The following NOVA1 variants were observed in gnomAD, a reference collection of about 807,000 sequenced individuals.
NOVA1 encodes NOVA alternative splicing regulator 1, also known as RNA-binding protein Nova-1.
NOVA1 carries 7 observed loss-of-function variants against 38.0 expected under a neutral mutation model. The observed-to-expected ratio is 0.18, with a 90% confidence interval of 0.10 to 0.35. The LOEUF (loss-of-function observed/expected upper bound fraction) is 0.35, where lower values mean the gene tolerates loss of function less well. Among genes scored for constraint, NOVA1 ranks in the 10% least tolerant of loss-of-function variants. The pLI, the probability that NOVA1 is intolerant of heterozygous loss-of-function variation, is 1.00. For synonymous variants in NOVA1, 270 were observed against 232.5 expected, an observed-to-expected ratio of 1.16 and a Z score of -1.47; for missense variants, 460 against 616.0, an observed-to-expected ratio of 0.75 and a Z score of 2.68.
chr14:26,498,652 GAAAC>G (rs963001488), intron 2 of NOVA1, among the ~76,000 whole-genome samples: 17 of 151,976 alleles, frequency 1.1e-4, no homozygotes, highest in Admixed American at 2.0e-4. Flanking sequence ...ACCTATCACA[GAAAC>G]AAACAAACAC....
chr14:26,509,869 G>A (rs1887922220), intron 2 of NOVA1, among the ~76,000 whole-genome samples: 1 of 152,070 alleles, frequency 6.6e-6, no homozygotes, highest in African/African-American at 2.4e-5. Flanking sequence ...TAGTAGAGAT[G>A]GGGTTTCACC....
intron 2 of NOVA1, among the ~76,000 whole-genome samples, chr14:26,531,824 T>G (rs572084641): frequency 2.0e-5 from 3 of 152,026 alleles, no homozygotes; most frequent in African/African-American, 7.3e-5. Context: ...AACACATATA[T>G]CTGACAAAGG....
chr14:26,484,324 T>C (rs948943069), intron 2 of NOVA1, among the ~76,000 whole-genome samples: 1 of 146,764 alleles, frequency 6.8e-6, no homozygotes, highest in Non-Finnish European at 1.5e-5. Context: ...TAGTCCCAGC[T>C]ACTCAGGAGG....
At chr14:26,569,175 CAGAT>C (rs1411620876) in intron 2 of NOVA1, among the ~76,000 whole-genome samples, 1 of 151,998 alleles carries the variant, frequency 6.6e-6, no homozygotes, top group Non-Finnish European at 1.5e-5. Flanking sequence ...GCAGAACTGT[CAGAT>C]AGAGTATTTT....
intron 2 of NOVA1, among the ~76,000 whole-genome samples, chr14:26,496,752 C>T (rs932931869): frequency 1.3e-5 from 2 of 152,056 alleles, no homozygotes; most frequent in Non-Finnish European, 2.9e-5. Flanking sequence ...AAATAGGAAA[C>T]CCTTTCCCCA....
At chr14:26,546,580 T>C (rs530686980) in intron 2 of NOVA1, among the ~76,000 whole-genome samples, 2 of 152,288 alleles carry the variant, frequency 1.3e-5, no homozygotes, top group East Asian at 3.9e-4. Flanking sequence ...TATTGCCATA[T>C]AGTTTCCTAT....
intron 2 of NOVA1, among the ~76,000 whole-genome samples, chr14:26,487,704 G>T (rs1302599291): frequency 6.6e-6 from 1 of 152,116 alleles, no homozygotes; most frequent in East Asian, 1.9e-4. Context: ...TCAGTTGATT[G>T]TGGAAAAATT....
chr14:26,480,079 G>T lies in NOVA1; in HGVS notation c.345C>A (p.Phe115Leu), dbSNP rs185194463. ...GCATTTCTCGAATTTTTTCTGCAAT[G>T]AATCCATGAACTGCATTCAGTGCTT... ...TVEALNAVHG[F>L]IAEKIREMPQ... Residue 115 changes from phenylalanine (F) to leucine (L), a missense_variant, in exon 3 of 5, where the codon TTC (phenylalanine) becomes TTA (leucine). Physicochemically the swap from Phe to Leu is conservative, Grantham distance 22 (BLOSUM62 0). Coordinates refer to ENST00000539517, the MANE Select transcript of NOVA1 (RefSeq NM_002515.3). 6.2e-7 allele frequency: 1 copy of T among 1,613,932 alleles called. No homozygotes were observed. Among genetic ancestry groups the T allele is most frequent in the Non-Finnish European group, 8.5e-7 (1 of 1,179,936 alleles).
At chr14:26,510,102 C>A (rs998515535) in intron 2 of NOVA1, among the ~76,000 whole-genome samples, 4 of 95,286 alleles carry the variant, frequency 4.2e-5, no homozygotes, top group African/African-American at 1.0e-4. Context: ...AAAAAGGGGA[C>A]TTCAGAAATA....
In NOVA1 at chr14:26,443,260, C is replaced by T. The variant is rs1360526242; in HGVS notation, c.*4699G>A. 2.0e-5 allele frequency: 3 copies of T among 151,816 alleles called. No individual in the cohort carries two copies. The highest frequency in any genetic ancestry group is 7.3e-5 in the African/African-American group (3 of 41,340). The allele number at this position is 151,816 out of a possible 1,614,324, so 9.4% of individuals were successfully genotyped here. A position where few individuals can be genotyped will look rare whatever the true frequency, so the allele number is the denominator to read the frequency against. ...GCTTCTGTACCACTTTGTAATGAGACAATTGCCTTTCCATTGCAATTATAA... is the reference window on the plus strand; with the variant it reads ...GCTTCTGTACCACTTTGTAATGAGATAATTGCCTTTCCATTGCAATTATAA... On this transcript the variant is annotated 3_prime_UTR_variant, in exon 5 of 5. Transcript: ENST00000539517.
intron 2 of NOVA1, among the ~76,000 whole-genome samples, chr14:26,509,013 G>C (rs1887856104): frequency 6.6e-6 from 1 of 152,026 alleles, no homozygotes; most frequent in African/African-American, 2.4e-5. Context: ...ATGTGGCAAA[G>C]AATATGTCTA....
chr14:26,450,693 T>C (rs1229196650), intron 4 of NOVA1, among the ~76,000 whole-genome samples: 1 of 152,168 alleles, frequency 6.6e-6, no homozygotes, highest in African/African-American at 2.4e-5. Context: ...GTCTGAAAAG[T>C]TAATGTGTTA....
chr14:26,596,873 T>C (rs1894224582), intron 1 of NOVA1: 1 of 1,137,804 alleles, frequency 8.8e-7, no homozygotes, highest in Non-Finnish European at 1.1e-6. Flanking sequence ...CGCAATCCGC[T>C]ACCCAAGTGC....
chr14:26,597,781 G>T lies in NOVA1; in HGVS notation c.-345C>A. On this transcript the variant is annotated 5_prime_UTR_variant, in exon 1 of 5. Coordinates refer to ENST00000539517, the MANE Select transcript of NOVA1 (RefSeq NM_002515.3). Reference sequence around the variant, plus strand: ...GGCGAGTGAATGAGCGGGAGGAGGGGACCGGGGAGGACAGGCAGAGGGAGT... The same window carrying T: ...GGCGAGTGAATGAGCGGGAGGAGGGTACCGGGGAGGACAGGCAGAGGGAGT... 1.3e-6 allele frequency: 1 copy of T among 778,936 alleles called. No homozygotes were observed. The highest frequency in any genetic ancestry group is 1.6e-6 in the Non-Finnish European group (1 of 634,876). The allele number at this position is 778,936 out of a possible 1,614,324, so 48.3% of individuals were successfully genotyped here.
At chr14:26,472,169 T>C (rs977431749) in intron 4 of NOVA1, 151 bp downstream of exon 4, 9 of 558,782 alleles carry the variant, frequency 1.6e-5, no homozygotes, top group African/African-American at 1.3e-4. Context: ...TTAGAAATAA[T>C]TGATATTTCT....
At chr14:26,510,646 G>A (rs1336224966) in intron 2 of NOVA1, among the ~76,000 whole-genome samples, 1 of 152,052 alleles carries the variant, frequency 6.6e-6, no homozygotes, top group Non-Finnish European at 1.5e-5. Flanking sequence ...AAGAGTCATG[G>A]TAGAGAAAGT....
chr14:26,496,761 C>T (rs1211371329), intron 2 of NOVA1, among the ~76,000 whole-genome samples: 1 of 152,090 alleles, frequency 6.6e-6, no homozygotes, highest in Non-Finnish European at 1.5e-5. Context: ...ACCCTTTCCC[C>T]ATTGCTTGTT....
At chr14:26,563,013 T>C (rs574509889) in intron 2 of NOVA1, among the ~76,000 whole-genome samples, 2 of 152,130 alleles carry the variant, frequency 1.3e-5, no homozygotes, top group South Asian at 2.1e-4. Flanking sequence ...ATAACAGACA[T>C]ATAGCTACCG....
At chr14:26,540,989 C>T (rs1890432400) in intron 2 of NOVA1, among the ~76,000 whole-genome samples, 1 of 151,924 alleles carries the variant, frequency 6.6e-6, no homozygotes, top group Non-Finnish European at 1.5e-5. Context: ...ATAAGCCATA[C>T]TGATTCAATA....
Sources: gnomAD v4.1 joint callset for allele counts (sites outside exome capture counted in the v4.1 genomes callset) on GRCh38, gnomAD v4.1.1 for gene constraint, MANE v1.5 for transcripts, NCBI Gene and HGNC (gene_info 2026-07-23, HGNC 2026-07-21) for gene names.